The following LGR4 variants were observed in gnomAD, a reference collection of about 807,000 sequenced individuals.
LGR4 encodes the protein leucine-rich repeat-containing G protein-coupled receptor 4.
Under a neutral mutation model 84.8 loss-of-function variants are expected in LGR4, and 44 were observed. The observed-to-expected ratio is 0.52, with a 90% CI of 0.41 to 0.67. The LOEUF (loss-of-function observed/expected upper bound fraction) is 0.67. Ranked by LOEUF, LGR4 falls within the 30% of genes least tolerant of loss-of-function variation. LGR4 has a pLI of 0.00. For missense variants in LGR4, 1,032 were observed against 1,131.4 expected, an observed-to-expected ratio of 0.91 and a Z score of 1.26; for synonymous variants, 429 against 434.3, an observed-to-expected ratio of 0.99 and a Z score of 0.15.
chr11:27,367,938 C>G lies in LGR4; in HGVS notation c.2785G>C (p.Ala929Pro). Residue 929 changes from alanine to proline, a missense_variant, in exon 18 of 18, where the codon GCC becomes CCC. Transcript: ENST00000379214. ...AATCCTCTACTCTGGTAGAAGCAGG[C>G]TCGTCCACAGGCCTGCACCTGGTCA... ...SSDQVQACGR[A>P]CFYQSRGFPL... The G allele has an allele frequency of 6.2e-7, 1 of 1,613,434 alleles. No individual in the cohort carries two copies. The highest frequency in any genetic ancestry group is 1.1e-5 in the South Asian group (1 of 90,950).
chr11:27,400,139 G>A (rs1314614809), intron 2 of LGR4, among the ~76,000 whole-genome samples: 3 of 152,108 alleles, frequency 2.0e-5, no homozygotes, highest in South Asian at 4.1e-4. Context: ...CAAAGGAAAT[G>A]TTCATTGGGT....
At chr11:27,399,641 T>C (rs1863460617) in intron 2 of LGR4, among the ~76,000 whole-genome samples, 1 of 151,870 alleles carries the variant, frequency 6.6e-6, no homozygotes, top group Non-Finnish European at 1.5e-5. Context: ...TGCCTCAGCC[T>C]TTGGAGTAGC....
chr11:27,422,398 G>A (rs749633973), intron 1 of LGR4, among the ~76,000 whole-genome samples: 1 of 152,134 alleles, frequency 6.6e-6, no homozygotes, highest in Non-Finnish European at 1.5e-5. Context: ...TTAAACTTCA[G>A]CTCACAACCA....
chr11:27,367,800 G>A lies in LGR4; in HGVS notation c.*67C>T. ...CAGAAGTGCTTCCCAGATGAAAGAT[G>A]AGAATAGGGTTCACTCTATAAACAC... is the stretch of plus-strand genomic sequence containing the variant. On this transcript the variant is annotated 3_prime_UTR_variant, in exon 18 of 18. Transcript: ENST00000379214. 1 of 1,160,572 alleles carries A rather than the reference G, an allele frequency of 8.6e-7. No individual in the cohort carries two copies. The highest frequency in any genetic ancestry group is 1.2e-6 in the Non-Finnish European group (1 of 820,998). 71.9% of individuals were successfully genotyped at this position (1,160,572 alleles called of 1,614,324 possible).
intron 1 of LGR4, among the ~76,000 whole-genome samples, chr11:27,458,581 C>A (rs1388176830): frequency 1.3e-5 from 2 of 151,700 alleles, no homozygotes; most frequent in Non-Finnish European, 2.9e-5. Flanking sequence ...TCTTTTCACC[C>A]AGGCTGGAAT....
intron 1 of LGR4, among the ~76,000 whole-genome samples, chr11:27,421,169 C>A (rs1047256800): frequency 1.1e-4 from 16 of 152,108 alleles, no homozygotes; most frequent in African/African-American, 3.9e-4. Context: ...CTGCTTAATT[C>A]CAGCTTCCTT....
chr11:27,380,761 C>G (rs1239545804), intron 8 of LGR4, 50 bp from the exon 9 acceptor site: 2 of 1,288,186 alleles, frequency 1.6e-6, no homozygotes, highest in Admixed American at 3.5e-5. Context: ...CACAAGCACT[C>G]TAATATTAAC....
At chr11:27,463,134 C>T (rs897855101) in intron 1 of LGR4, among the ~76,000 whole-genome samples, 1 of 150,348 alleles carries the variant, frequency 6.7e-6, no homozygotes, top group Non-Finnish European at 1.5e-5. Flanking sequence ...CACCTGTAGT[C>T]CTAGCTACTT....
intron 1 of LGR4, among the ~76,000 whole-genome samples, chr11:27,464,131 AAG>A (rs956697902): frequency 6.6e-6 from 1 of 152,206 alleles, no homozygotes; most frequent in African/African-American, 2.4e-5. Context: ...TAAGTTACTC[AAG>A]AGAGAGTGTT....
At chr11:27,375,297 C>CAAAAAAAAAAAA (rs5790647) in intron 13 of LGR4, among the ~76,000 whole-genome samples, 1 of 118,148 alleles carries the variant, frequency 8.5e-6, no homozygotes. Context: ...GACCCTGTCT[C>CAAAAAAAAAAAA]AAAAAAAAAA....
intron 4 of LGR4, among the ~76,000 whole-genome samples, chr11:27,390,722 T>C (rs1406915243): frequency 2.0e-5 from 3 of 152,178 alleles, no homozygotes; most frequent in Non-Finnish European, 2.9e-5. Context: ...TTGTTCTGAT[T>C]ATCATTACCA....
intron 4 of LGR4, among the ~76,000 whole-genome samples, chr11:27,387,163 T>C (rs1382427832): frequency 6.6e-6 from 1 of 152,208 alleles, no homozygotes; most frequent in East Asian, 1.9e-4. Flanking sequence ...ATTATACTTG[T>C]AGATAATTAC....
chr11:27,426,296 T>G (rs1220500252), intron 1 of LGR4, among the ~76,000 whole-genome samples: 1 of 152,160 alleles, frequency 6.6e-6, no homozygotes, highest in Non-Finnish European at 1.5e-5. Context: ...GCAAACACAT[T>G]GGGGGAAAAG....
At chr11:27,471,298 G>T (rs1219769850) in intron 1 of LGR4, among the ~76,000 whole-genome samples, 1 of 152,226 alleles carries the variant, frequency 6.6e-6, no homozygotes, top group Non-Finnish European at 1.5e-5. Context: ...TGCTGGCTGC[G>T]TGAAGGTGCA....
At chr11:27,379,933 C>G (rs1863058804) in intron 10 of LGR4, among the ~76,000 whole-genome samples, 1 of 152,126 alleles carries the variant, frequency 6.6e-6, no homozygotes, top group Admixed American at 6.6e-5. Context: ...GGAAACCTGA[C>G]AGTATTCAAA....
intron 1 of LGR4, among the ~76,000 whole-genome samples, chr11:27,452,623 GTTTTTTT>G (rs557477166): frequency 3.4e-5 from 4 of 119,338 alleles, no homozygotes; most frequent in Non-Finnish European, 6.9e-5. Flanking sequence ...AACTTTTTGA[GTTTTTTT>G]TTTTTTTTTT....
At chr11:27,471,960 C>T (rs1590421951) in intron 1 of LGR4, 158 bp downstream of exon 1, 1 of 426,742 alleles carries the variant, frequency 2.3e-6, no homozygotes, top group African/African-American at 2.1e-5. Flanking sequence ...GAGTGGGTGC[C>T]AGGCAGCCCG....
chr11:27,380,368 T>C (rs778679098), intron 9 of LGR4, 29 bp from the exon 10 acceptor site: 1 of 1,531,040 alleles, frequency 6.5e-7, no homozygotes, highest in African/African-American at 1.4e-5. Flanking sequence ...GACAAGGTAA[T>C]TTTTAAATTT....
chr11:27,373,407 C>A, intron 15 of LGR4, 144 bp downstream of exon 15: 1 of 693,436 alleles, frequency 1.4e-6, no homozygotes, highest in South Asian at 3.4e-5. Context: ...TATTTTTCAC[C>A]AAATTTGCAA....
Sources: allele counts gnomAD v4.1 joint callset (sites outside exome capture counted in the v4.1 genomes callset), GRCh38; gene constraint gnomAD v4.1.1; transcripts MANE v1.5; gene names NCBI Gene and HGNC (gene_info 2026-07-23, HGNC 2026-07-21).